Variants in GSDMC observed in about 807,000 individuals in gnomAD.
The protein encoded by GSDMC is gasdermin C.
Under a neutral mutation model 58.0 loss-of-function variants are expected in GSDMC, and 59 were observed. That is an observed-to-expected ratio of 1.02 (90% CI 0.82 to 1.26). The LOEUF is 1.26. Ranked by LOEUF, GSDMC falls within the 50% of genes most tolerant of loss-of-function variation. The pLI, the probability that GSDMC is intolerant of heterozygous loss-of-function variation, is 0.00. For missense variants in GSDMC, 659 were observed against 598.5 expected (o/e 1.10, Z -1.06); for synonymous variants, 241 against 220.2 (o/e 1.09, Z -0.83).
chr8:129,735,998 C>T, the GSDMC span, among the ~76,000 whole-genome samples: 2 of 152,166 alleles, frequency 1.3e-5, no homozygotes, highest in African/African-American at 4.8e-5. Flanking sequence ...CACAGGAATA[C>T]AAACTACCAT....
chr8:129,730,879 G>A, the GSDMC span, among the ~76,000 whole-genome samples: 1 of 152,082 alleles, frequency 6.6e-6, no homozygotes, highest in Non-Finnish European at 1.5e-5. Context: ...ATCATAAGCT[G>A]GTGACCATCT....
intron 6 of GSDMC, among the ~76,000 whole-genome samples, chr8:129,759,269 A>G (rs2033565425): frequency 6.6e-6 from 1 of 152,150 alleles, no homozygotes; most frequent in Non-Finnish European, 1.5e-5. Context: ...CTAAAATAAA[A>G]CATTAAGAAA....
the GSDMC span, among the ~76,000 whole-genome samples, chr8:129,715,081 GGT>G: frequency 6.6e-6 from 1 of 152,090 alleles, no homozygotes; most frequent in African/African-American, 2.4e-5. Context: ...TGAACATTTA[GGT>G]GTGTATATTG....
chr8:129,778,076 T>C (rs1451597022), intron 1 of GSDMC, among the ~76,000 whole-genome samples: 2 of 152,208 alleles, frequency 1.3e-5, no homozygotes, highest in Admixed American at 6.5e-5. Context: ...GCGGGGCTTA[T>C]GTTAAGATGA....
intron 1 of GSDMC, among the ~76,000 whole-genome samples, chr8:129,784,926 A>C (rs928040303): frequency 4.6e-5 from 7 of 152,186 alleles, no homozygotes; most frequent in East Asian, 1.9e-4. Flanking sequence ...AAAAAGAATG[A>C]GATTGGCTGG....
At chr8:129,784,950 T>C (rs111312996) in intron 1 of GSDMC, among the ~76,000 whole-genome samples, 19,723 of 152,140 alleles carry the variant, frequency 0.13, 1,593 homozygotes, top group Admixed American at 0.18. Flanking sequence ...CGGTGGCTCA[T>C]GCCTGTAATC....
chr8:129,711,121 G>C, the GSDMC span, among the ~76,000 whole-genome samples: 1,233 of 152,332 alleles, frequency 8.1e-3, 21 homozygotes, highest in African/African-American at 0.028. Context: ...TGTTGGTGAT[G>C]ATGATTATAG....
the GSDMC span, chr8:129,728,996 C>T: frequency 9.0e-6 from 6 of 664,526 alleles, no homozygotes; most frequent in Admixed American, 6.2e-5. Context: ...AGACCAAGAG[C>T]TTGCTGCACG....
chr8:129,764,836 G>A (rs909365138), intron 4 of GSDMC, among the ~76,000 whole-genome samples: 11 of 152,176 alleles, frequency 7.2e-5, no homozygotes, highest in African/African-American at 2.2e-4. Context: ...TAGTGCCTCC[G>A]ATTCCTGAAC....
In GSDMC at chr8:129,762,642, C is replaced by T. The variant is rs995879299; in HGVS notation, c.660G>A (p.Leu220=). Residue 220 remains leucine, a synonymous_variant, in exon 5 of 14, where the codon CTG becomes CTA. Transcript: ENST00000276708. The stretch of plus-strand genomic sequence containing the variant: ...TGCTCCCACCTTTCTCCTTGATAAC[C>T]AGCTGCTTTCTCTTATAAGCCATCA... The part of the protein sequence containing the change: ...GMVMAYKRKQ[L]VIKEKAILIS... 1 of 1,611,150 alleles carries T rather than the reference C, an allele frequency of 6.2e-7. No homozygotes were observed. The highest frequency in any genetic ancestry group is 1.3e-5 in the African/African-American group (1 of 74,860).
rs1333727142 is a variant in GSDMC at position 129,750,057 on chromosome 8, T to C, written c.1146A>G (p.Gln382=). 3 of 1,610,440 alleles carry C rather than the reference T, an allele frequency of 1.9e-6. No homozygotes were observed. Among genetic ancestry groups the C allele is most frequent in the East Asian group, 4.5e-5 (2 of 44,840 alleles). ...GPGGAILKKL[Q]QDSNHAWFNP... ...TAAACCATGCATGGTTTGAATCCTG[T>C]TGAAGTTTCTTTAGGATGGCACCAC... The change falls in exon 12 of 14, where the codon CAA becomes CAG. Residue 382 remains glutamine (Q), a synonymous_variant. Transcript: ENST00000276708.
At chr8:129,769,157 A>C (rs2033968808) in intron 3 of GSDMC, among the ~76,000 whole-genome samples, 1 of 152,152 alleles carries the variant, frequency 6.6e-6, no homozygotes, top group African/African-American at 2.4e-5. Flanking sequence ...AGAAGTGGGC[A>C]TCAAAATTTG....
At chr8:129,783,335 T>C (rs751809251) in intron 1 of GSDMC, among the ~76,000 whole-genome samples, 1 of 152,144 alleles carries the variant, frequency 6.6e-6, no homozygotes, top group African/African-American at 2.4e-5. Context: ...GTCTTATATA[T>C]GGAACAAACT....
intron 3 of GSDMC, among the ~76,000 whole-genome samples, chr8:129,770,790 A>T (rs2034021423): frequency 6.6e-6 from 1 of 151,956 alleles, no homozygotes; most frequent in Admixed American, 6.6e-5. Context: ...CCTATCAATA[A>T]TTATATTAAA....
the GSDMC span, among the ~76,000 whole-genome samples, chr8:129,732,586 C>T: frequency 6.6e-6 from 1 of 152,128 alleles, no homozygotes; most frequent in African/African-American, 2.4e-5. Flanking sequence ...AAAATGGAAA[C>T]TCGGAAATGA....
the GSDMC span, chr8:129,729,170 T>C: frequency 1.5e-6 from 1 of 668,788 alleles, no homozygotes; most frequent in Non-Finnish European, 2.9e-6. Context: ...TTCAGAGATA[T>C]TTGATATGTG....
In GSDMC at chr8:129,752,705, T is replaced by A. The variant is rs574276492; in HGVS notation, c.837A>T (p.Leu279Phe). ...AGTGAGCAATCACAGTACCTGGTTT[T>A]AACTTCATATCATTGGATGAGGCAT... ...LFNASSNDMK[L>F]KPELFLTQQF... Residue 279 changes from leucine to phenylalanine, a missense_variant, in exon 7 of 14, where the codon TTA becomes TTT. Leu to Phe is a conservative substitution (Grantham distance 22). Transcript: ENST00000276708. 1.2e-6 allele frequency: 2 copies of A among 1,614,210 alleles called. No individual in the cohort carries two copies. Among genetic ancestry groups the A allele is most frequent in the East Asian group, 4.5e-5 (2 of 44,882 alleles).
At chr8:129,775,536 TA>T (rs1176704664) in intron 3 of GSDMC, among the ~76,000 whole-genome samples, 1 of 152,138 alleles carries the variant, frequency 6.6e-6, no homozygotes, top group East Asian at 1.9e-4. Context: ...GATAACTAGG[TA>T]AAGTAATAGA....
intron 12 of GSDMC, among the ~76,000 whole-genome samples, chr8:129,749,779 T>C (rs1317984869): frequency 6.6e-6 from 1 of 152,138 alleles, no homozygotes; most frequent in Non-Finnish European, 1.5e-5. Flanking sequence ...TGGATGAACA[T>C]AAACTGGTAA....
Sources: allele counts gnomAD v4.1 joint callset (sites outside exome capture counted in the v4.1 genomes callset), GRCh38; gene constraint gnomAD v4.1.1; transcripts MANE v1.5; gene names NCBI Gene and HGNC (gene_info 2026-07-23, HGNC 2026-07-21).